Variants in SCAPER observed in about 807,000 individuals in gnomAD.
SCAPER encodes S-phase cyclin A associated protein in the ER.
A neutral mutation model predicts 182.2 loss-of-function variants in SCAPER; 98 were observed. That is an observed-to-expected ratio of 0.54 (90% confidence interval 0.46 to 0.64). The LOEUF is 0.64. Ranked by LOEUF, SCAPER falls within the 30% of genes least tolerant of loss-of-function variation. SCAPER has a pLI of 0.00. For synonymous variants in SCAPER, 605 were observed against 564.6 expected, an observed-to-expected ratio of 1.07 and a Z score of -1.01; for missense variants, 1,432 against 1,690.0, an observed-to-expected ratio of 0.85 and a Z score of 2.68.
intron 22 of SCAPER, among the ~76,000 whole-genome samples, chr15:76,618,599 T>G (rs1356073440): frequency 6.6e-6 from 1 of 152,160 alleles, no homozygotes. Flanking sequence ...TTTTCACAAG[T>G]AGAACATTAT....
intron 21 of SCAPER, among the ~76,000 whole-genome samples, chr15:76,652,755 C>T (rs1026641773): frequency 2.0e-5 from 3 of 151,674 alleles, no homozygotes; most frequent in Non-Finnish European, 4.4e-5. Flanking sequence ...CTACGATAAA[C>T]CCACAGCCAA....
intron 21 of SCAPER, among the ~76,000 whole-genome samples, chr15:76,627,941 A>G (rs1166504224): frequency 2.6e-5 from 4 of 152,130 alleles, no homozygotes; most frequent in African/African-American, 9.7e-5. Context: ...CCACAACCTC[A>G]CTAGCCTCTG....
intron 23 of SCAPER, among the ~76,000 whole-genome samples, chr15:76,512,390 A>C (rs2042116333): frequency 6.6e-6 from 1 of 151,972 alleles, no homozygotes; most frequent in Non-Finnish European, 1.5e-5. Context: ...AACCATTAAG[A>C]AGGGAACTAA....
chr15:76,845,471 C>CT (rs2069972098), intron 4 of SCAPER, among the ~76,000 whole-genome samples: 2 of 152,174 alleles, frequency 1.3e-5, no homozygotes, highest in African/African-American at 4.8e-5. Context: ...AACCTAAAGA[C>CT]TCCACCAAAA....
chr15:76,818,465 TCAAAAAC>T (rs1485902910), intron 5 of SCAPER, among the ~76,000 whole-genome samples: 4 of 152,024 alleles, frequency 2.6e-5, no homozygotes, highest in Non-Finnish European at 5.9e-5. Context: ...CTCATTAAAA[TCAAAAAC>T]TTCTGCTCTG....
intron 25 of SCAPER, among the ~76,000 whole-genome samples, chr15:76,443,357 A>G (rs2047754405): frequency 1.3e-5 from 2 of 152,258 alleles, no homozygotes; most frequent in Admixed American, 6.5e-5. Context: ...ATCCCCTTTA[A>G]GAGCAAGACG....
chr15:76,689,634 TTAA>T (rs1249448506), intron 20 of SCAPER, among the ~76,000 whole-genome samples: 2 of 151,746 alleles, frequency 1.3e-5, no homozygotes, highest in East Asian at 3.9e-4. Flanking sequence ...AACACCTCAG[TTAA>T]TAATGAGCAC....
intron 25 of SCAPER, among the ~76,000 whole-genome samples, chr15:76,465,149 A>T (rs1193919482): frequency 6.6e-6 from 1 of 152,092 alleles, no homozygotes; most frequent in Non-Finnish European, 1.5e-5. Context: ...ATTCCATTTG[A>T]GCTGCTATAA....
At position 76,728,699 on chromosome 15, in the gene SCAPER, A is replaced by G. The variant is rs1449089152; in HGVS notation, c.2061T>C (p.Arg687=). The change falls in exon 17 of 32, where the codon CGT becomes CGC. Residue 687 remains arginine, a synonymous_variant. Coordinates refer to ENST00000563290, the MANE Select transcript of SCAPER (RefSeq NM_020843.4). The part of the protein sequence containing the change: ...KRALEAERQA[R]VEELLMKRKE... ...TCCTCTTCATTAACAATTCTTCTAC[A>G]CGGGCCTGCCGCTCTGCCTCTAGAG... 3 of 1,612,910 alleles carry G rather than the reference A, an allele frequency of 1.9e-6. No individual in the cohort carries two copies. Among genetic ancestry groups the G allele is most frequent in the East Asian group, 2.2e-5 (1 of 44,832 alleles).
intron 10 of SCAPER, 110 bp from the exon 11 acceptor site, chr15:76,767,198 T>A (rs780655954): frequency 4.8e-6 from 5 of 1,047,862 alleles, no homozygotes; most frequent in Non-Finnish European, 6.8e-6. Flanking sequence ...ATTGTATTGA[T>A]CTAGAATCAT....
At chr15:76,726,155 A>ATATATAT (rs1491513286) in intron 17 of SCAPER, among the ~76,000 whole-genome samples, 21 of 97,308 alleles carry the variant, frequency 2.2e-4, no homozygotes, top group East Asian at 6.0e-4. Context: ...ATATATATAT[A>ATATATAT]AAAAACTCTA....
intron 23 of SCAPER, among the ~76,000 whole-genome samples, chr15:76,552,349 C>A (rs886252232): frequency 2.6e-5 from 4 of 152,036 alleles, no homozygotes; most frequent in Non-Finnish European, 5.9e-5. Flanking sequence ...AGGAGTATTT[C>A]CCACTAAAGG....
At chr15:76,855,213 G>A (rs1191700738) in intron 4 of SCAPER, among the ~76,000 whole-genome samples, 2 of 152,050 alleles carry the variant, frequency 1.3e-5, no homozygotes, top group Non-Finnish European at 2.9e-5. Flanking sequence ...TGAGATAACT[G>A]GGTAGCCATA....
chr15:76,719,935 A>T (rs34272342), intron 17 of SCAPER, among the ~76,000 whole-genome samples: 16 of 150,812 alleles, frequency 1.1e-4, no homozygotes, highest in East Asian at 7.8e-4. Flanking sequence ...TTTTTTTTTT[A>T]ATTATTATTA....
At chr15:76,524,952 C>T (rs2043094791) in intron 23 of SCAPER, among the ~76,000 whole-genome samples, 1 of 151,786 alleles carries the variant, frequency 6.6e-6, no homozygotes, top group African/African-American at 2.4e-5. Flanking sequence ...GATTGTTAGG[C>T]ATAATTTATT....
intron 17 of SCAPER, among the ~76,000 whole-genome samples, chr15:76,720,703 GGT>G (rs2060181001): frequency 6.6e-6 from 1 of 152,148 alleles, no homozygotes; most frequent in South Asian, 2.1e-4. Flanking sequence ...TTTTTCATGT[GGT>G]TCTTGGCTGC....
intron 23 of SCAPER, among the ~76,000 whole-genome samples, chr15:76,552,846 G>A (rs941507315): frequency 1.3e-5 from 2 of 152,120 alleles, no homozygotes; most frequent in African/African-American, 4.8e-5. Context: ...TGGTTAGTCC[G>A]ATCATAGCGC....
At position 76,519,350 on chromosome 15, in the gene SCAPER, A is replaced by G. The variant is rs375195943; in HGVS notation, c.2839-14376T>C. Among the ~76,000 whole-genome samples the G allele has an allele frequency of 2.0e-5, 3 of 152,364 alleles. No individual in the cohort carries two copies. In the East Asian group the frequency reaches 5.8e-4, roughly 29 times the overall value. The stretch of plus-strand genomic sequence containing the variant: ...CCTCTGAAAATATTCATTTGTAAAT[A>G]TTAAATGGCACACAACACCAGGAGG... On this transcript the variant is annotated intron_variant, in intron 23 of 31. Transcript: ENST00000563290.
chr15:76,885,461 G>A (rs146528194), intron 1 of SCAPER, among the ~76,000 whole-genome samples: 1 of 152,236 alleles, frequency 6.6e-6, no homozygotes, highest in Non-Finnish European at 1.5e-5. Flanking sequence ...CTCTCAATGA[G>A]GCCTTCCCAT....
Sources: allele counts gnomAD v4.1 joint callset (sites outside exome capture counted in the v4.1 genomes callset), GRCh38; gene constraint gnomAD v4.1.1; transcripts MANE v1.5; gene names NCBI Gene and HGNC (gene_info 2026-07-23, HGNC 2026-07-21).